The following ABHD2 variants were observed in gnomAD, a reference collection of about 807,000 sequenced individuals.
ABHD2 encodes the protein abhydrolase domain containing 2, acylglycerol lipase, also known as monoacylglycerol lipase ABHD2.
A neutral mutation model predicts 48.1 loss-of-function variants in ABHD2; 20 were observed. That is an observed-to-expected ratio of 0.42 (90% CI 0.29 to 0.60). The LOEUF (loss-of-function observed/expected upper bound fraction) is 0.60, where lower values mean the gene tolerates loss of function less well. ABHD2 is among the 20% of genes least tolerant of loss of function. The pLI is 0.24. For missense variants in ABHD2, 405 were observed against 550.9 expected (o/e 0.74, Z 2.65); for synonymous variants, 209 against 214.2 (o/e 0.98, Z 0.21).
intron 5 of ABHD2, among the ~76,000 whole-genome samples, chr15:89,161,061 T>C (rs775583733): frequency 5.9e-5 from 9 of 152,208 alleles, no homozygotes; most frequent in Non-Finnish European, 4.4e-5. Flanking sequence ...TAGTTCTCTT[T>C]GTGTAGGTCA....
the ABHD2 span, among the ~76,000 whole-genome samples, chr15:89,049,727 A>C: frequency 1.9e-3 from 290 of 152,348 alleles, 1 homozygote; most frequent in African/African-American, 6.0e-3. Flanking sequence ...CAAGTAAGGC[A>C]ATGCCTCGCC....
chr15:89,185,145 G>A lies in ABHD2; in HGVS notation c.723-279G>A, dbSNP rs1039470398. 4.6e-5 allele frequency among the ~76,000 whole-genome samples: 7 copies of A among 152,212 alleles called. No homozygotes were observed. The highest frequency in any genetic ancestry group is 2.1e-4 in the South Asian group (1 of 4,834). On this transcript the variant is annotated intron_variant, in intron 6 of 10. Transcript: ENST00000352732. The surrounding 1 kb of genome is among the most constrained non-coding windows in gnomAD (Gnocchi z 5.9). ...GCTCAGTGACTAAGAGAAGGTCCAGGTGCTAGAAGAGAGTGTCGGGGGTGC... is the reference window on the plus strand; with the variant it reads ...GCTCAGTGACTAAGAGAAGGTCCAGATGCTAGAAGAGAGTGTCGGGGGTGC...
At chr15:89,064,537 T>G in the ABHD2 span, among the ~76,000 whole-genome samples, 2 of 152,278 alleles carry the variant, frequency 1.3e-5, 1 homozygote. Context: ...CAACATTGTG[T>G]TCTTATATTT....
At chr15:89,055,906 C>G in the ABHD2 span, among the ~76,000 whole-genome samples, 6 of 152,228 alleles carry the variant, frequency 3.9e-5, no homozygotes, top group Admixed American at 3.3e-4. Context: ...CTCTGTCATC[C>G]AGGCTGGAGT....
At chr15:89,136,685 G>A (rs775206819) in intron 3 of ABHD2, among the ~76,000 whole-genome samples, 3 of 152,206 alleles carry the variant, frequency 2.0e-5, no homozygotes, top group African/African-American at 7.2e-5. Context: ...GTTGATTAGC[G>A]TGTTCTTAAA....
chr15:89,153,596 A>T (rs2050626656), intron 4 of ABHD2, among the ~76,000 whole-genome samples: 1 of 152,224 alleles, frequency 6.6e-6, no homozygotes, highest in African/African-American at 2.4e-5. Flanking sequence ...TCCTGCCCCC[A>T]GAAATGACTG....
In ABHD2 at chr15:89,200,897, C is replaced by T; in HGVS notation, c.*5474C>T. The T allele has an allele frequency of 2.5e-6, 1 of 396,932 alleles. No individual in the cohort carries two copies. The highest frequency in any genetic ancestry group is 2.1e-5 in the African/African-American group (1 of 47,582). The allele number at this position is 396,932 out of a possible 1,614,324, so 24.6% of individuals were successfully genotyped here. ...AGGAGTTCAAGACCAGCCTGGCCAA[C>T]ATGGTGAAACCCCTTCTCTACTAAA... On this transcript the variant is annotated 3_prime_UTR_variant, in exon 11 of 11. Coordinates refer to ENST00000352732, the MANE Select transcript of ABHD2 (RefSeq NM_152924.5).
chr15:89,132,868 G>A (rs2050241951), intron 3 of ABHD2, among the ~76,000 whole-genome samples: 1 of 152,208 alleles, frequency 6.6e-6, no homozygotes, highest in Admixed American at 6.5e-5. Context: ...GTTTCTCAAG[G>A]ATGGAGTTGT....
chr15:89,157,623 C>A (rs1419824899), intron 5 of ABHD2, among the ~76,000 whole-genome samples: 1 of 152,112 alleles, frequency 6.6e-6, no homozygotes, highest in African/African-American at 2.4e-5. Context: ...GCAGGCAGAT[C>A]ACGAGGTCAG....
In ABHD2 at chr15:89,137,438, G is replaced by T. The variant is rs1167957082; in HGVS notation, c.195-14239G>T. On this transcript the variant is annotated intron_variant, in intron 3 of 10. Coordinates refer to ENST00000352732, the MANE Select transcript of ABHD2 (RefSeq NM_152924.5). This position sits in a 1 kb window ranked among gnomAD's most constrained non-coding sequence, Gnocchi z 4.8. Reference sequence around the variant, plus strand: ...TTAAGTGGTTTTATTGTAACTCATGGGGCTGTTCTCCTAACATTCATATTT... The same window carrying T: ...TTAAGTGGTTTTATTGTAACTCATGTGGCTGTTCTCCTAACATTCATATTT... Among the ~76,000 whole-genome samples the T allele has an allele frequency of 6.6e-6, 1 of 152,140 alleles. No homozygotes were observed. Among genetic ancestry groups the T allele is most frequent in the Non-Finnish European group, 1.5e-5 (1 of 68,028 alleles).
chr15:89,046,213 A>C, the ABHD2 span, among the ~76,000 whole-genome samples: 1 of 152,166 alleles, frequency 6.6e-6, no homozygotes, highest in Non-Finnish European at 1.5e-5. Flanking sequence ...TGATTTGCGT[A>C]TATTGAACCA....
chr15:89,195,264 T>C lies in ABHD2; in HGVS notation c.1119T>C (p.His373=), dbSNP rs773044989. The C allele has an allele frequency of 4.3e-6, 7 of 1,614,048 alleles. No homozygotes were observed. Among genetic ancestry groups the C allele is most frequent in the Non-Finnish European group, 4.2e-6 (5 of 1,180,014 alleles). The part of the protein sequence containing the change: ...RENVMFVLPL[H]GGHLGFFEGS... ...ACGTCATGTTTGTGCTGCCTCTGCA[T>C]GGGGGCCACTTGGGCTTCTTTGAGG... The change falls in exon 11 of 11, where the codon CAT becomes CAC. Residue 373 remains histidine, a synonymous_variant. Coordinates refer to ENST00000352732, the MANE Select transcript of ABHD2 (RefSeq NM_152924.5). This position sits in a 1 kb window ranked among gnomAD's most constrained non-coding sequence, Gnocchi z 5.1.
chr15:89,043,834 A>T, the ABHD2 span, among the ~76,000 whole-genome samples: 1 of 151,774 alleles, frequency 6.6e-6, no homozygotes, highest in Non-Finnish European at 1.5e-5. Context: ...ATATTTTGAT[A>T]TATTCATCTA....
At chr15:89,065,995 C>T in the ABHD2 span, among the ~76,000 whole-genome samples, 1 of 152,130 alleles carries the variant, frequency 6.6e-6, no homozygotes, top group Admixed American at 6.5e-5. Flanking sequence ...CGGGTTCAAT[C>T]ATGCATCCAA....
intron 4 of ABHD2, among the ~76,000 whole-genome samples, chr15:89,154,933 C>A (rs999451930): frequency 6.6e-6 from 1 of 152,218 alleles, no homozygotes; most frequent in Non-Finnish European, 1.5e-5. Context: ...TCAAAGAGGT[C>A]TGTGCAAACA....
At position 89,106,850 on chromosome 15, in the gene ABHD2, T is replaced by C. The variant is rs2049794183; in HGVS notation, c.-106-6875T>C. ...CAGTGAATGTGACCTTATTTGGAAA[T>C]TGGGTCTTTGCAGATGTAATCAAGT... On this transcript the variant is annotated intron_variant, in intron 1 of 10. Transcript: ENST00000352732. This position sits in a 1 kb window ranked among gnomAD's most constrained non-coding sequence, Gnocchi z 4.2. 1.3e-5 allele frequency among the ~76,000 whole-genome samples: 2 copies of C among 152,150 alleles called. No individual in the cohort carries two copies. Among genetic ancestry groups the C allele is most frequent in the Non-Finnish European group, 2.9e-5 (2 of 68,014 alleles).
In ABHD2 at chr15:89,185,252, C is replaced by T. The variant is rs866118147; in HGVS notation, c.723-172C>T. On this transcript the variant is annotated intron_variant, in intron 6 of 10. Coordinates refer to ENST00000352732, the MANE Select transcript of ABHD2 (RefSeq NM_152924.5). This position sits in a 1 kb window ranked among gnomAD's most constrained non-coding sequence, Gnocchi z 5.9. ...GCTGTCTTGGTGTCTCCATAGATTT[C>T]TCCACAGGTGTTTGAGCTCTGCACA... Among the ~76,000 whole-genome samples, 9 of 152,196 alleles carry T rather than the reference C, an allele frequency of 5.9e-5. No homozygotes were observed. The highest frequency in any genetic ancestry group is 7.4e-5 in the Non-Finnish European group (5 of 68,018).
intron 1 of ABHD2, among the ~76,000 whole-genome samples, chr15:89,113,291 A>AT (rs1370684027): frequency 5.3e-5 from 8 of 152,022 alleles, no homozygotes; most frequent in Admixed American, 4.6e-4. Context: ...CTCAGCTCAT[A>AT]TTTTTTTCTG....
At chr15:89,136,361 G>A in intron 3 of ABHD2, 1 of 520,902 alleles carries the variant, frequency 1.9e-6, no homozygotes, top group Non-Finnish European at 3.8e-6. Context: ...ACCTCTCTGA[G>A]CACTTCTTAG....
Sources: gnomAD v4.1 joint callset for allele counts (sites outside exome capture counted in the v4.1 genomes callset) on GRCh38, gnomAD v4.1.1 for gene constraint, Gnocchi (gnomAD v3.1) non-coding constraint, MANE v1.5 for transcripts, NCBI Gene and HGNC (gene_info 2026-07-23, HGNC 2026-07-21) for gene names.